PCDH11X: variants seen among roughly 807,000 people sequenced by gnomAD.
PCDH11X encodes the protein protocadherin 11 X-linked.
PCDH11X carries 18 observed loss-of-function variants against 53.3 expected under a neutral mutation model. The ratio of observed to expected loss-of-function variants is 0.34; its 90% confidence interval spans 0.23 to 0.50. The LOEUF (loss-of-function observed/expected upper bound fraction) is 0.50, where lower values mean the gene tolerates loss of function less well. PCDH11X is among the 20% of genes least tolerant of loss of function. The pLI, the probability that PCDH11X is intolerant of heterozygous loss-of-function variation, is 0.98. For missense variants in PCDH11X, 570 were observed against 1,032.4 expected, an observed-to-expected ratio of 0.55 and a Z score of 6.14; for synonymous variants, 279 against 393.3, an observed-to-expected ratio of 0.71 and a Z score of 3.44.
intron 6 of PCDH11X, among the ~76,000 whole-genome samples, chrX:91,890,663 T>C (rs1389067608): frequency 9.1e-6 from 1 of 109,685 alleles, no homozygotes; most frequent in Non-Finnish European, 1.9e-5. Context: ...AAAACAATCC[T>C]CTTTATTTTG....
chrX:92,020,486 C>T (rs770044323), intron 6 of PCDH11X, among the ~76,000 whole-genome samples: 1 of 111,532 alleles, frequency 9.0e-6, no homozygotes, highest in African/African-American at 3.3e-5. Flanking sequence ...TTGGGCAGGG[C>T]CTCCCTGCAG....
At chrX:92,077,174 T>G (rs1236110471) in intron 6 of PCDH11X, among the ~76,000 whole-genome samples, 1 of 111,412 alleles carries the variant, frequency 9.0e-6, no homozygotes, top group African/African-American at 3.3e-5. Flanking sequence ...TATACTAACT[T>G]TGAGGACAAA....
intron 6 of PCDH11X, among the ~76,000 whole-genome samples, chrX:92,130,504 C>A (rs758391125): frequency 2.7e-5 from 3 of 109,410 alleles, no homozygotes; most frequent in East Asian, 5.8e-4. Context: ...ACAAAATTAG[C>A]CAGGCATGAT....
chrX:92,554,689 C>A (rs1435798078), intron 10 of PCDH11X, among the ~76,000 whole-genome samples: 46 of 109,005 alleles, frequency 4.2e-4, no homozygotes, highest in Non-Finnish European at 4.6e-4. Context: ...TCTTTAATGG[C>A]TACAAAAAAT....
chrX:92,615,194 G>A (rs1230493939), intron 10 of PCDH11X, among the ~76,000 whole-genome samples: 1 of 110,955 alleles, frequency 9.0e-6, no homozygotes, highest in Non-Finnish European at 1.9e-5. Context: ...GTTGATCCAG[G>A]TGAGGAAGTG....
intron 8 of PCDH11X, among the ~76,000 whole-genome samples, chrX:92,312,039 G>C (rs1374423350): frequency 9.0e-6 from 1 of 111,366 alleles, no homozygotes; most frequent in Non-Finnish European, 1.9e-5. Context: ...ATTCTGTAGA[G>C]TAAATAAGCA....
chrX:92,576,225 G>A, intron 10 of PCDH11X, among the ~76,000 whole-genome samples: 1 of 101,635 alleles, frequency 9.8e-6, no homozygotes, highest in East Asian at 3.2e-4. Flanking sequence ...ATTTTCATTG[G>A]CAGGTATATT....
At chrX:91,800,729 GA>G (rs1401736751) in intron 1 of PCDH11X, among the ~76,000 whole-genome samples, 2 of 110,674 alleles carry the variant, frequency 1.8e-5, no homozygotes, top group Non-Finnish European at 3.8e-5. Context: ...ATTGACTTTG[GA>G]AAAAAGGCAA....
chrX:92,183,547 C>A (rs780775436), intron 6 of PCDH11X, among the ~76,000 whole-genome samples: 4 of 112,131 alleles, frequency 3.6e-5, no homozygotes, highest in East Asian at 5.6e-4. Flanking sequence ...GGCTGAGAAA[C>A]CTTTTAAGAA....
chrX:92,086,880 A>G (rs1369932617), intron 6 of PCDH11X, among the ~76,000 whole-genome samples: 25 of 110,329 alleles, frequency 2.3e-4, no homozygotes, highest in Non-Finnish European at 4.5e-4. Flanking sequence ...CATATAATAA[A>G]CAAATGACAT....
At chrX:92,032,189 G>A (rs919446043) in intron 6 of PCDH11X, among the ~76,000 whole-genome samples, 1 of 110,687 alleles carries the variant, frequency 9.0e-6, no homozygotes, top group African/African-American at 3.3e-5. Context: ...TCATTGTCTT[G>A]ATTTTTCAGT....
At chrX:92,509,789 C>A (rs1046824615) in intron 10 of PCDH11X, among the ~76,000 whole-genome samples, 2 of 111,525 alleles carry the variant, frequency 1.8e-5, no homozygotes, top group Non-Finnish European at 3.8e-5. Flanking sequence ...AATTGTTCAG[C>A]TAGCCAAAAA....
intron 6 of PCDH11X, among the ~76,000 whole-genome samples, chrX:91,886,832 G>T (rs746453471): frequency 4.5e-4 from 49 of 108,108 alleles, no homozygotes; most frequent in Middle Eastern, 4.3e-3. Context: ...TTAGCTGGGC[G>T]TGGTGGCGGG....
chrX:92,062,762 T>C (rs1275792162), intron 6 of PCDH11X, among the ~76,000 whole-genome samples: 1 of 111,508 alleles, frequency 9.0e-6, no homozygotes, highest in Non-Finnish European at 1.9e-5. Context: ...TGTAAATTAG[T>C]TCAACCGTTG....
intron 6 of PCDH11X, among the ~76,000 whole-genome samples, chrX:91,928,383 A>G (rs1312212954): frequency 9.4e-6 from 1 of 105,841 alleles, no homozygotes; most frequent in Non-Finnish European, 2.0e-5. Flanking sequence ...AGATGCTAAA[A>G]ATGCCCTGAT....
chrX:92,323,457 C>T (rs1229128542), intron 8 of PCDH11X, among the ~76,000 whole-genome samples: 1 of 109,936 alleles, frequency 9.1e-6, no homozygotes, highest in Non-Finnish European at 1.9e-5. Context: ...TCAGACCTGC[C>T]TCTTCACTGG....
chrX:92,431,807 C>A (rs1185770963), intron 9 of PCDH11X, among the ~76,000 whole-genome samples: 2 of 108,605 alleles, frequency 1.8e-5, no homozygotes, highest in South Asian at 8.0e-4. Context: ...AGAAGCTCAT[C>A]TTTTTTTTAC....
intron 10 of PCDH11X, among the ~76,000 whole-genome samples, chrX:92,609,865 C>T (rs1361581561): frequency 1.8e-5 from 2 of 111,256 alleles, no homozygotes; most frequent in Admixed American, 9.6e-5. Flanking sequence ...CTTTCTGTTG[C>T]TGTGTTAATT....
chrX:92,163,749 C>G (rs1353377175), intron 6 of PCDH11X, among the ~76,000 whole-genome samples: 1 of 110,855 alleles, frequency 9.0e-6, no homozygotes, highest in Non-Finnish European at 1.9e-5. Flanking sequence ...ATTCTCTTGG[C>G]TTTCTTGGTA....
Sources: allele counts gnomAD v4.1 joint callset (sites outside exome capture counted in the v4.1 genomes callset), GRCh38; gene constraint gnomAD v4.1.1; transcripts MANE v1.5; gene names NCBI Gene and HGNC (gene_info 2026-07-23, HGNC 2026-07-21).